The following GPR141 variants were observed in gnomAD, a reference collection of about 807,000 sequenced individuals.
GPR141 encodes probable G protein-coupled receptor 141.
GPR141 carries 6 observed loss-of-function variants against 6.8 expected under a neutral mutation model. That is an observed-to-expected ratio of 0.88 (90% confidence interval 0.48 to 1.74). The LOEUF (loss-of-function observed/expected upper bound fraction) is 1.74, where lower values mean the gene tolerates loss of function less well. Among genes scored for constraint, GPR141 ranks in the 40% most tolerant of loss-of-function variants. The pLI is 0.01. For synonymous variants in GPR141, 140 were observed against 142.3 expected, an observed-to-expected ratio of 0.98 and a Z score of 0.11; for missense variants, 372 against 372.9, an observed-to-expected ratio of 1.00 and a Z score of 0.02.
chr7:37,738,071 TTTTCGGG>T (rs1812334032), intron 2 of GPR141, among the ~76,000 whole-genome samples: 1 of 152,092 alleles, frequency 6.6e-6, no homozygotes, highest in Non-Finnish European at 1.5e-5. Context: ...TAATAATGAG[TTTTCGGG>T]AGTGTATGTG....
At chr7:37,692,158 C>G (rs1809806301) in intron 2 of GPR141, among the ~76,000 whole-genome samples, 1 of 152,098 alleles carries the variant, frequency 6.6e-6, no homozygotes, top group South Asian at 2.1e-4. Context: ...CTCCCCATCC[C>G]CCAACAGCCC....
At chr7:37,708,040 G>T (rs1027489971) in intron 2 of GPR141, among the ~76,000 whole-genome samples, 2 of 152,122 alleles carry the variant, frequency 1.3e-5, no homozygotes, top group Non-Finnish European at 2.9e-5. Context: ...CTAAATTGAA[G>T]AGAACATTGG....
chr7:37,718,835 A>T (rs1273572789), intron 2 of GPR141, among the ~76,000 whole-genome samples: 2 of 152,188 alleles, frequency 1.3e-5, no homozygotes, highest in African/African-American at 2.4e-5. Flanking sequence ...ATTGAACCTT[A>T]ACCAAGGGCT....
At chr7:37,689,087 G>A (rs1338469178) in intron 2 of GPR141, among the ~76,000 whole-genome samples, 2 of 151,994 alleles carry the variant, frequency 1.3e-5, no homozygotes, top group African/African-American at 2.4e-5. Flanking sequence ...CAGGCCCCTG[G>A]TAATCTTATG....
chr7:37,711,421 A>G (rs1810789233), intron 2 of GPR141, among the ~76,000 whole-genome samples: 1 of 152,180 alleles, frequency 6.6e-6, no homozygotes, highest in Admixed American at 6.5e-5. Flanking sequence ...CATGGGAGTA[A>G]GTGTGGAAAA....
rs1812488567 is a variant in GPR141, at chr7:37,740,564, C to G, written c.171C>G (p.Asn57Lys). The change falls in exon 3 of 3, where the codon AAC (asparagine) becomes AAG (lysine). Residue 57 changes from asparagine to lysine, a missense_variant. Transcript: ENST00000334425. Reference protein sequence around the residue: ...TRSVTTMAVINLVVVHSVFLL... With the variant: ...TRSVTTMAVIKLVVVHSVFLL... ...CAGTGACCACCATGGCGGTCATTAACTTGGTGGTGGTCCACAGCGTTTTTC... is the reference window on the plus strand; with the variant it reads ...CAGTGACCACCATGGCGGTCATTAAGTTGGTGGTGGTCCACAGCGTTTTTC... 2 of 1,613,998 alleles carry G rather than the reference C, an allele frequency of 1.2e-6. No homozygotes were observed. Among genetic ancestry groups the G allele is most frequent in the South Asian group, 1.1e-5 (1 of 91,086 alleles).
At position 37,741,028 on chromosome 7, in the gene GPR141, G is replaced by T. The variant is rs369757172; in HGVS notation, c.635G>T (p.Arg212Leu). The T allele has an allele frequency of 1.9e-6, 3 of 1,613,954 alleles. No individual in the cohort carries two copies. The African/African-American group carries it at 4.0e-5, about 22-fold the overall frequency. ...ATTATGTTGATGGTGCAGAAGCTAC[G>T]CCACTCTTTACTATCCCACCAGGAG... ...FIIMLMVQKL[R>L]HSLLSHQEFW... Residue 212 changes from arginine to leucine, a missense_variant, in exon 3 of 3, where the codon CGC becomes CTC. Coordinates refer to ENST00000334425, the MANE Select transcript of GPR141 (RefSeq NM_001381946.1).
chr7:37,714,457 A>T (rs549628289), intron 2 of GPR141, among the ~76,000 whole-genome samples: 6 of 152,338 alleles, frequency 3.9e-5, no homozygotes, highest in Admixed American at 2.0e-4. Context: ...TAGAAATAAG[A>T]TGGCAGAGGA....
intron 2 of GPR141, among the ~76,000 whole-genome samples, chr7:37,693,820 G>A (rs1258944410): frequency 1.3e-5 from 2 of 152,290 alleles, no homozygotes; most frequent in East Asian, 1.9e-4. Context: ...TAAATGTGGG[G>A]TGTCTCAGCT....
At chr7:37,720,197 G>C (rs908271998) in intron 2 of GPR141, among the ~76,000 whole-genome samples, 2 of 152,182 alleles carry the variant, frequency 1.3e-5, no homozygotes, top group Admixed American at 1.3e-4. Flanking sequence ...CAGAGAAAAG[G>C]TGTGCCATGA....
chr7:37,703,166 T>C (rs561136378), intron 2 of GPR141, among the ~76,000 whole-genome samples: 1 of 152,322 alleles, frequency 6.6e-6, no homozygotes, highest in South Asian at 2.1e-4. Flanking sequence ...TTGATTATTA[T>C]TTTCACTCAT....
intron 2 of GPR141, among the ~76,000 whole-genome samples, chr7:37,727,692 A>AT (rs940557308): frequency 2.5e-4 from 38 of 152,192 alleles, no homozygotes; most frequent in African/African-American, 8.7e-4. Context: ...AGACTCTTCA[A>AT]TTTTTGTTTA....
intron 2 of GPR141, among the ~76,000 whole-genome samples, chr7:37,723,892 T>C (rs1481482164): frequency 6.6e-6 from 1 of 152,168 alleles, no homozygotes; most frequent in Non-Finnish European, 1.5e-5. Context: ...AAATTTCTGG[T>C]AAGGAGATGG....
At chr7:37,725,640 A>G (rs1481132518) in intron 2 of GPR141, among the ~76,000 whole-genome samples, 1 of 152,214 alleles carries the variant, frequency 6.6e-6, no homozygotes, top group Non-Finnish European at 1.5e-5. Context: ...CACCAACTAT[A>G]AAAGTCATTC....
At chr7:37,732,014 G>T (rs1327151706) in intron 2 of GPR141, among the ~76,000 whole-genome samples, 1 of 138,440 alleles carries the variant, frequency 7.2e-6, no homozygotes, top group Admixed American at 7.5e-5. Context: ...AGGAAGAGAG[G>T]TTTCTTTGTT....
At chr7:37,697,209 G>A (rs941203864) in intron 2 of GPR141, among the ~76,000 whole-genome samples, 7 of 151,772 alleles carry the variant, frequency 4.6e-5, no homozygotes, top group African/African-American at 1.7e-4. Context: ...ACTTAATTAC[G>A]AGAAATTACA....
chr7:37,740,989 T>G lies in GPR141; in HGVS notation c.596T>G (p.Phe199Cys). Residue 199 changes from phenylalanine to cysteine, a missense_variant, in exon 3 of 3, where the codon TTC becomes TGC. Physicochemically the swap from Phe to Cys is radical, Grantham distance 205 (BLOSUM62 -2). Transcript: ENST00000334425. ...VIAVAVILLV[F>C]QVFIIMLMVQ... ...GCCGTTGCTGTGATTCTGTTGGTCT[T>G]CCAGGTCTTCATCATTATGTTGATG... 2 of 1,614,062 alleles carry G rather than the reference T, an allele frequency of 1.2e-6. No individual in the cohort carries two copies. Among genetic ancestry groups the G allele is most frequent in the Non-Finnish European group, 1.7e-6 (2 of 1,179,936 alleles).
chr7:37,703,044 T>C (rs1231051000), intron 2 of GPR141, among the ~76,000 whole-genome samples: 1 of 152,154 alleles, frequency 6.6e-6, no homozygotes, highest in Non-Finnish European at 1.5e-5. Flanking sequence ...ATCCTCCATA[T>C]GTACCTTTAG....
At chr7:37,691,028 T>A (rs949756002) in intron 2 of GPR141, among the ~76,000 whole-genome samples, 1 of 152,192 alleles carries the variant, frequency 6.6e-6, no homozygotes, top group Non-Finnish European at 1.5e-5. Flanking sequence ...ATTGGTGTGT[T>A]CTCTTTCTGA....
Sources: allele counts gnomAD v4.1 joint callset (sites outside exome capture counted in the v4.1 genomes callset), GRCh38; gene constraint gnomAD v4.1.1; transcripts MANE v1.5; gene names NCBI Gene and HGNC (gene_info 2026-07-23, HGNC 2026-07-21).